BNC2: variants seen among roughly 807,000 people sequenced by gnomAD.
BNC2 encodes basonuclin zinc finger protein 2.
A neutral mutation model predicts 76.3 loss-of-function variants in BNC2; 20 were observed. The ratio of observed to expected loss-of-function variants is 0.26; its 90% CI spans 0.18 to 0.38. The LOEUF (loss-of-function observed/expected upper bound fraction) is 0.38. Ranked by LOEUF, BNC2 falls within the 10% of genes least tolerant of loss-of-function variation. The pLI, the probability that BNC2 is intolerant of heterozygous loss-of-function variation, is 1.00. For missense variants in BNC2, 1,382 were observed against 1,399.8 expected, an observed-to-expected ratio of 0.99 and a Z score of 0.20; for synonymous variants, 582 against 514.8, an observed-to-expected ratio of 1.13 and a Z score of -1.77.
intron 5 of BNC2, among the ~76,000 whole-genome samples, chr9:16,460,479 C>G (rs1821553245): frequency 6.6e-6 from 1 of 151,916 alleles, no homozygotes; most frequent in Non-Finnish European, 1.5e-5. Context: ...AAAAATTAGC[C>G]AGGTGTGATG....
intron 4 of BNC2, chr9:16,579,926 G>T: frequency 2.5e-6 from 1 of 395,172 alleles, no homozygotes. Flanking sequence ...TTGACATAAT[G>T]ACAGGTAGAA....
intron 3 of BNC2, among the ~76,000 whole-genome samples, chr9:16,640,757 T>C (rs1243330499): frequency 1.3e-4 from 20 of 152,182 alleles, no homozygotes; most frequent in Admixed American, 1.3e-3. Flanking sequence ...AAACTTCAGC[T>C]TGCAGCATAA....
At chr9:16,648,046 CAG>C (rs1266274285) in intron 3 of BNC2, among the ~76,000 whole-genome samples, 1 of 152,068 alleles carries the variant, frequency 6.6e-6, no homozygotes, top group Non-Finnish European at 1.5e-5. Context: ...GACAAAATTA[CAG>C]AGAGTCACCA....
intron 1 of BNC2, among the ~76,000 whole-genome samples, chr9:16,805,076 T>G (rs1009740616): frequency 6.6e-6 from 1 of 151,718 alleles, no homozygotes; most frequent in African/African-American, 2.4e-5. Flanking sequence ...GAAAAAAAAG[T>G]GGTGTGGGGA....
At chr9:16,504,752 C>T (rs1048269347) in intron 5 of BNC2, among the ~76,000 whole-genome samples, 1 of 152,162 alleles carries the variant, frequency 6.6e-6, no homozygotes, top group African/African-American at 2.4e-5. Flanking sequence ...GAAGCTGAGG[C>T]GGCAGGATCA....
rs745647566 is a variant in BNC2, at chr9:16,418,698, A to ATGTG, written c.*287_*290dup. The ATGTG allele has an allele frequency of 5.9e-3, 1,765 of 300,270 alleles. 26 individuals carry two copies. Among genetic ancestry groups the ATGTG allele is most frequent in the African/African-American group, 0.052 (1,559 of 29,954 alleles). 18.6% of individuals were successfully genotyped at this position (300,270 alleles called of 1,614,324 possible). On this transcript the variant is annotated 3_prime_UTR_variant, in exon 7 of 7. Transcript: ENST00000380672. ...TGTGTGTGTGTGTGTGTGTATGTGC[A>ATGTG]TGTGTGTGTGTGTGTGTTTAAAGGG...
intron 5 of BNC2, among the ~76,000 whole-genome samples, chr9:16,531,204 A>T (rs1177710837): frequency 6.6e-6 from 1 of 152,170 alleles, no homozygotes. Context: ...AAACTAGAAG[A>T]CCACAGTAGC....
At chr9:16,727,752 T>C (rs1478796967) in intron 3 of BNC2, 45 bp downstream of exon 3, 1 of 1,543,908 alleles carries the variant, frequency 6.5e-7, no homozygotes, top group African/African-American at 1.4e-5. Flanking sequence ...AATTCAAGGT[T>C]TCTTAAAAAA....
intron 5 of BNC2, among the ~76,000 whole-genome samples, chr9:16,486,554 C>T (rs1035767811): frequency 1.3e-5 from 2 of 152,238 alleles, no homozygotes; most frequent in African/African-American, 4.8e-5. Flanking sequence ...GTGATGCTTA[C>T]ACTAACCCTA....
intron 1 of BNC2, among the ~76,000 whole-genome samples, chr9:16,816,248 C>T (rs1422999287): frequency 6.6e-6 from 1 of 152,156 alleles, no homozygotes; most frequent in Non-Finnish European, 1.5e-5. Flanking sequence ...TACTTAGGCA[C>T]TTCCATTAAG....
intron 5 of BNC2, among the ~76,000 whole-genome samples, chr9:16,539,438 G>A (rs1360050007): frequency 6.6e-6 from 1 of 151,074 alleles, no homozygotes; most frequent in African/African-American, 2.4e-5. Context: ...TGAGGTGGGA[G>A]GATGACTTGA....
chr9:16,504,680 C>A (rs988539044), intron 5 of BNC2, among the ~76,000 whole-genome samples: 3 of 152,068 alleles, frequency 2.0e-5, no homozygotes, highest in African/African-American at 7.2e-5. Flanking sequence ...CCTGCGCTAA[C>A]AAATTAGAAC....
At chr9:16,784,946 G>A (rs1268539274) in intron 1 of BNC2, among the ~76,000 whole-genome samples, 5 of 152,136 alleles carry the variant, frequency 3.3e-5, no homozygotes, top group Non-Finnish European at 7.3e-5. Flanking sequence ...ATAAGATGAC[G>A]ATCATTCAAG....
intron 1 of BNC2, among the ~76,000 whole-genome samples, chr9:16,760,369 G>C (rs1030085310): frequency 1.3e-5 from 2 of 152,092 alleles, no homozygotes; most frequent in Non-Finnish European, 2.9e-5. Context: ...TTTTCAATAG[G>C]GGTGAAAAAA....
intron 3 of BNC2, among the ~76,000 whole-genome samples, chr9:16,593,187 C>T (rs1282976536): frequency 4.0e-5 from 6 of 151,424 alleles, no homozygotes; most frequent in African/African-American, 1.5e-4. Context: ...TCAGCAAAAG[C>T]CAAGATACAA....
At chr9:16,677,821 C>T (rs1328478107) in intron 3 of BNC2, among the ~76,000 whole-genome samples, 1 of 152,094 alleles carries the variant, frequency 6.6e-6, no homozygotes, top group African/African-American at 2.4e-5. Context: ...ATTCTGCATT[C>T]CTTTTAAAAA....
intron 6 of BNC2, among the ~76,000 whole-genome samples, chr9:16,428,814 T>C (rs4292793): frequency 0.9 from 137,014 of 152,240 alleles, 61,927 homozygotes; most frequent in East Asian, 1. Flanking sequence ...ACACTTTAGG[T>C]GTAACAGCTT....
chr9:16,436,747 G>T lies in BNC2; in HGVS notation c.1447C>A (p.Leu483Ile). 1 of 1,614,154 alleles carries T rather than the reference G, an allele frequency of 6.2e-7. No individual in the cohort carries two copies. The highest frequency in any genetic ancestry group is 8.5e-7 in the Non-Finnish European group (1 of 1,180,014). The part of the protein sequence containing the change: ...IEGCNMVFSS[L>I]RSRNRHSANP... ...GCACTGTGGCGATTACGACTTCGGA[G>T]GGAGCTAAAGACCATGTTGCAACCT... Residue 483 changes from leucine to isoleucine, a missense_variant, in exon 6 of 7, where the codon CTC becomes ATC. By Grantham distance (5) the Leu-to-Ile change is conservative. Coordinates refer to ENST00000380672, the MANE Select transcript of BNC2 (RefSeq NM_017637.6).
chr9:16,488,834 C>CA (rs369463874), intron 5 of BNC2, among the ~76,000 whole-genome samples: 3,232 of 149,224 alleles, frequency 0.022, 114 homozygotes, highest in South Asian at 0.099. Flanking sequence ...CTTCTTTTAG[C>CA]AAAAAAAAAC....
Sources: gnomAD v4.1 joint callset for allele counts (sites outside exome capture counted in the v4.1 genomes callset) on GRCh38, gnomAD v4.1.1 for gene constraint, MANE v1.5 for transcripts, NCBI Gene and HGNC (gene_info 2026-07-23, HGNC 2026-07-21) for gene names.